Variants in SYN3 observed in about 807,000 individuals in gnomAD.
The protein encoded by SYN3 is synapsin-3.
A neutral mutation model predicts 65.8 loss-of-function variants in SYN3; 35 were observed. That is an observed-to-expected ratio of 0.53 (90% CI 0.41 to 0.70). SYN3 has a LOEUF of 0.70. Among genes scored for constraint, SYN3 ranks in the 30% least tolerant of loss-of-function variants. The pLI, the probability that SYN3 is intolerant of heterozygous loss-of-function variation, is 0.00. For synonymous variants in SYN3, 270 were observed against 292.9 expected, an observed-to-expected ratio of 0.92 and a Z score of 0.80; for missense variants, 680 against 749.0, an observed-to-expected ratio of 0.91 and a Z score of 1.08.
intron 1 of SYN3, among the ~76,000 whole-genome samples, chr22:33,055,605 G>T (rs995726834): frequency 6.6e-6 from 1 of 152,176 alleles, no homozygotes; most frequent in African/African-American, 2.4e-5. Context: ...CAGTCTAAAG[G>T]GGAGGACCAA....
chr22:32,675,147 G>A (rs2060422475), intron 6 of SYN3, among the ~76,000 whole-genome samples: 1 of 152,182 alleles, frequency 6.6e-6, no homozygotes. Context: ...AATGTCCCAG[G>A]AGGCCTCTAG....
intron 6 of SYN3, among the ~76,000 whole-genome samples, chr22:32,652,491 G>A (rs1393429714): frequency 6.6e-6 from 1 of 150,486 alleles, no homozygotes; most frequent in Non-Finnish European, 1.5e-5. Flanking sequence ...CAACTGGGGA[G>A]TTGGGTTTGA....
chr22:32,941,800 T>C (rs1455538674), intron 3 of SYN3, among the ~76,000 whole-genome samples: 1 of 152,246 alleles, frequency 6.6e-6, no homozygotes, highest in Non-Finnish European at 1.5e-5. Flanking sequence ...CAGGAGATTA[T>C]ATCCTGCGCC....
intron 6 of SYN3, among the ~76,000 whole-genome samples, chr22:32,824,408 T>C (rs924414375): frequency 7.9e-5 from 12 of 151,998 alleles, no homozygotes; most frequent in African/African-American, 2.9e-4. Context: ...GAGATGCTTT[T>C]AGGGAGTGAG....
intron 6 of SYN3, among the ~76,000 whole-genome samples, chr22:32,786,990 T>C (rs1010552145): frequency 1.3e-5 from 2 of 152,012 alleles, no homozygotes; most frequent in African/African-American, 4.8e-5. Context: ...ACTCTGTCTT[T>C]AACCAAGTCT....
chr22:32,671,014 G>A (rs1762948156), intron 6 of SYN3, among the ~76,000 whole-genome samples: 3 of 152,194 alleles, frequency 2.0e-5, no homozygotes, highest in African/African-American at 2.4e-5. Flanking sequence ...GTCAAGAGAC[G>A]CGGATTCTAG....
rs1292590669 is a variant in SYN3, at chr22:32,837,802, G to A, written c.711+27113C>T. Among the ~76,000 whole-genome samples, 2 of 152,118 alleles carry A rather than the reference G, an allele frequency of 1.3e-5. No individual in the cohort carries two copies. Among genetic ancestry groups the A allele is most frequent in the Non-Finnish European group, 2.9e-5 (2 of 68,024 alleles). On this transcript the variant is annotated intron_variant, in intron 6 of 13. Coordinates refer to ENST00000358763, the MANE Select transcript of SYN3 (RefSeq NM_003490.4). This position sits in a 1 kb window ranked among gnomAD's most constrained non-coding sequence, Gnocchi z 4.1. ...TAAGAAATGGCACTGTCCCATGTTGGAGCAAGACCCAACCTACCAAGCTGG... is the reference window on the plus strand; with the variant it reads ...TAAGAAATGGCACTGTCCCATGTTGAAGCAAGACCCAACCTACCAAGCTGG...
intron 4 of SYN3, among the ~76,000 whole-genome samples, chr22:32,911,210 T>A (rs2050042654): frequency 6.6e-6 from 1 of 152,000 alleles, no homozygotes; most frequent in Non-Finnish European, 1.5e-5. Flanking sequence ...AGAAAGGAGG[T>A]ATTTGGTTAA....
At chr22:32,650,072 C>A (rs2060039702) in intron 6 of SYN3, among the ~76,000 whole-genome samples, 1 of 152,098 alleles carries the variant, frequency 6.6e-6, no homozygotes, top group African/African-American at 2.4e-5. Flanking sequence ...TCCCCCAATT[C>A]CCCCGCTCTG....
At chr22:32,679,984 T>A (rs2147108118) in intron 6 of SYN3, among the ~76,000 whole-genome samples, 1 of 152,172 alleles carries the variant, frequency 6.6e-6, no homozygotes, top group South Asian at 2.1e-4. Context: ...ATCTTTCTTC[T>A]CTGTTTCTCC....
chr22:32,998,786 A>AC lies in SYN3; in HGVS notation c.311+7565_311+7566insG, dbSNP rs1355099809. Among the ~76,000 whole-genome samples the AC allele has an allele frequency of 5.2e-5, 7 of 135,184 alleles. 1 individual carries two copies. Among genetic ancestry groups the AC allele is most frequent in the East Asian group, 2.0e-4 (1 of 4,990 alleles). 88.7% of individuals were successfully genotyped at this position (135,184 alleles called of 152,430 possible). A position where few individuals can be genotyped will look rare whatever the true frequency, so the allele number is the denominator to read the frequency against. On this transcript the variant is annotated intron_variant, in intron 2 of 13. Coordinates refer to ENST00000358763, the MANE Select transcript of SYN3 (RefSeq NM_003490.4). ...ATTCTATAGAAATAGTAAAAAAAAA[A>AC]AAAAAAAAAAAAACAAAAGTCCCTC... is the stretch of plus-strand genomic sequence containing the variant.
At chr22:32,814,137 T>A (rs57193730) in intron 6 of SYN3, among the ~76,000 whole-genome samples, 1,362 of 79,968 alleles carry the variant, frequency 0.017, 14 homozygotes, top group African/African-American at 0.048. Context: ...TGTGTGTGTG[T>A]GTGTGAGAGA....
intron 6 of SYN3, among the ~76,000 whole-genome samples, chr22:32,676,966 G>A (rs9609618): frequency 1.3e-5 from 2 of 152,318 alleles, no homozygotes; most frequent in African/African-American, 4.8e-5. Flanking sequence ...TTACAGGTGA[G>A]AAAACAAAGC....
At chr22:32,919,994 C>T (rs2050293323) in intron 4 of SYN3, among the ~76,000 whole-genome samples, 1 of 152,178 alleles carries the variant, frequency 6.6e-6, no homozygotes, top group South Asian at 2.1e-4. Context: ...AACATCCTCC[C>T]TACAAACAGT....
intron 6 of SYN3, among the ~76,000 whole-genome samples, chr22:32,764,065 C>T (rs1201276121): frequency 6.6e-6 from 1 of 151,672 alleles, no homozygotes; most frequent in Non-Finnish European, 1.5e-5. Flanking sequence ...AGCCTCCCGA[C>T]TAGCTGGGAT....
At chr22:32,735,444 G>T (rs558128741) in intron 6 of SYN3, among the ~76,000 whole-genome samples, 7 of 152,186 alleles carry the variant, frequency 4.6e-5, no homozygotes, top group African/African-American at 1.7e-4. Context: ...ACAATGTTGC[G>T]GTGGGAAGCA....
intron 6 of SYN3, among the ~76,000 whole-genome samples, chr22:32,609,801 T>C (rs1293636131): frequency 6.6e-6 from 1 of 152,038 alleles, no homozygotes. Context: ...CTCTGCCTGG[T>C]TTTTATCCTG....
At chr22:32,886,627 A>G (rs141260762) in intron 4 of SYN3, among the ~76,000 whole-genome samples, 1 of 152,362 alleles carries the variant, frequency 6.6e-6, no homozygotes, top group African/African-American at 2.4e-5. Flanking sequence ...CATCATGCCA[A>G]ATAAAAGATA....
Position 32,556,803 on chromosome 22 carries a change from G to GTTTTTTTTTTTTTTTTTTTTTTTTT in SYN3, c.775-15091_775-15090insAAAAAAAAAAAAAAAAAAAAAAAAA, listed in dbSNP as rs1491135400. Among the ~76,000 whole-genome samples, 6 of 35,262 alleles carry GTTTTTTTTTTTTTTTTTTTTTTTTT rather than the reference G, an allele frequency of 1.7e-4. 2 individuals are homozygous for GTTTTTTTTTTTTTTTTTTTTTTTTT. The highest frequency in any genetic ancestry group is 2.8e-4 in the Non-Finnish European group (5 of 17,888). 23.1% of individuals were successfully genotyped at this position (35,262 alleles called of 152,430 possible). A position where few individuals can be genotyped will look rare whatever the true frequency, so the allele number is the denominator to read the frequency against. Reference sequence around the variant, plus strand: ...CAATGACCCAATCTATAGGTTTCCTGGTTTTTTTTTTTTTTTTTTTTTTTT... The same window carrying GTTTTTTTTTTTTTTTTTTTTTTTTT: ...CAATGACCCAATCTATAGGTTTCCTGTTTTTTTTTTTTTTTTTTTTTTTTTGTTTTTTTTTTTTTTTTTTTTTTTT... On this transcript the variant is annotated intron_variant, in intron 7 of 13. Transcript: ENST00000358763.
Sources: allele counts gnomAD v4.1 joint callset (sites outside exome capture counted in the v4.1 genomes callset), GRCh38; gene constraint gnomAD v4.1.1; non-coding constraint Gnocchi (gnomAD v3.1); transcripts MANE v1.5; gene names NCBI Gene and HGNC (gene_info 2026-07-23, HGNC 2026-07-21).